The following RAP1GAP2 variants were observed in gnomAD, a reference collection of about 807,000 sequenced individuals.
RAP1GAP2 encodes rap1 GTPase-activating protein 2.
A neutral mutation model predicts 95.0 loss-of-function variants in RAP1GAP2; 27 were observed. The observed-to-expected ratio is 0.28, with a 90% CI of 0.21 to 0.39. The LOEUF (loss-of-function observed/expected upper bound fraction) is 0.39. Among genes scored for constraint, RAP1GAP2 ranks in the 10% least tolerant of loss-of-function variants. The pLI is 1.00. For missense variants in RAP1GAP2, 771 were observed against 970.0 expected (o/e 0.79, Z 2.72); for synonymous variants, 373 against 380.9 (o/e 0.98, Z 0.24).
In RAP1GAP2 at chr17:2,833,645, T is replaced by A. The variant is rs375949802; in HGVS notation, c.80+33095T>A. ...GCGGAGCTTGCAGTGAGCCGAGATC[T>A]CGCCACTGCACTCCAACCTGGGAGA... On this transcript the variant is annotated intron_variant, in intron 2 of 24. Coordinates refer to ENST00000254695, the MANE Select transcript of RAP1GAP2 (RefSeq NM_015085.5). Among the ~76,000 whole-genome samples the A allele has an allele frequency of 3.0e-5, 4 of 132,530 alleles. No individual in the cohort carries two copies. In the East Asian group the frequency reaches 6.9e-4, roughly 23 times the overall value. 86.9% of individuals were successfully genotyped at this position (132,530 alleles called of 152,430 possible).
intron 8 of RAP1GAP2, among the ~76,000 whole-genome samples, chr17:2,975,408 G>A (rs983133119): frequency 6.6e-6 from 1 of 152,096 alleles, no homozygotes; most frequent in Admixed American, 6.6e-5. Flanking sequence ...TTAAAATAAA[G>A]GAATGGAAAA....
chr17:2,998,460 C>T, intron 14 of RAP1GAP2, 84 bp downstream of exon 14: 1 of 1,464,298 alleles, frequency 6.8e-7, no homozygotes, highest in Non-Finnish European at 9.4e-7. Flanking sequence ...GGACACTAGT[C>T]CTCAGCAGTC....
At chr17:3,018,732 C>T (rs4790412) in intron 18 of RAP1GAP2, among the ~76,000 whole-genome samples, 139,662 of 152,148 alleles carry the variant, frequency 0.92, 64,315 homozygotes, top group Non-Finnish European at 0.95. Flanking sequence ...CCCGCTGGGG[C>T]TCAGTAACTT....
At chr17:2,800,634 GACA>G in intron 2 of RAP1GAP2, 84 bp downstream of exon 2, 1 of 1,404,148 alleles carries the variant, frequency 7.1e-7, no homozygotes, top group Non-Finnish European at 9.9e-7. Flanking sequence ...GGTTGTGGGA[GACA>G]CAAGAGGGGC....
At chr17:2,840,388 C>T (rs192228030) in intron 2 of RAP1GAP2, among the ~76,000 whole-genome samples, 1 of 152,192 alleles carries the variant, frequency 6.6e-6, no homozygotes, top group African/African-American at 2.4e-5. Flanking sequence ...GTCTCAAACT[C>T]CTGACCTCAG....
At chr17:2,947,587 A>G (rs1409774352) in intron 3 of RAP1GAP2, among the ~76,000 whole-genome samples, 1 of 152,182 alleles carries the variant, frequency 6.6e-6, no homozygotes, top group Non-Finnish European at 1.5e-5. Context: ...TATTAATAGC[A>G]CAGGGATATG....
In RAP1GAP2 at chr17:3,037,524, T is replaced by C. The variant is rs2047506475; in HGVS notation, c.*4163T>C. ...ACTGTGGCTTGGAAGTGATGCTCCATGTGACGACGACTTTGCTTTCTTTCC... is the reference window on the plus strand; with the variant it reads ...ACTGTGGCTTGGAAGTGATGCTCCACGTGACGACGACTTTGCTTTCTTTCC... On this transcript the variant is annotated 3_prime_UTR_variant, in exon 25 of 25. Coordinates refer to ENST00000254695, the MANE Select transcript of RAP1GAP2 (RefSeq NM_015085.5). The C allele has an allele frequency of 6.6e-6, 1 of 152,396 alleles. No homozygotes were observed. Among genetic ancestry groups the C allele is most frequent in the Non-Finnish European group, 1.5e-5 (1 of 67,996 alleles). The allele number at this position is 152,396 out of a possible 1,614,324, so 9.4% of individuals were successfully genotyped here.
At chr17:2,761,979 C>CTTTT (rs901487276) in intron 1 of RAP1GAP2, among the ~76,000 whole-genome samples, 5 of 77,746 alleles carry the variant, frequency 6.4e-5, no homozygotes, top group Non-Finnish European at 1.2e-4. Flanking sequence ...GTTTATATAT[C>CTTTT]TTTTTTTTTT....
intron 10 of RAP1GAP2, among the ~76,000 whole-genome samples, chr17:2,983,186 C>T (rs534344596): frequency 7.9e-5 from 12 of 152,242 alleles, no homozygotes; most frequent in African/African-American, 2.9e-4. Flanking sequence ...CTGGTTTGTT[C>T]TTCCTCTCGC....
chr17:2,969,191 A>C (rs62091997), intron 8 of RAP1GAP2, among the ~76,000 whole-genome samples: 2 of 80,294 alleles, frequency 2.5e-5, no homozygotes, highest in African/African-American at 3.4e-5. Context: ...ATATATATAT[A>C]TATCTGTTTC....
At chr17:2,911,167 G>A (rs1291863464) in intron 3 of RAP1GAP2, among the ~76,000 whole-genome samples, 4 of 151,540 alleles carry the variant, frequency 2.6e-5, no homozygotes, top group East Asian at 3.9e-4. Context: ...TCTCTGCCGC[G>A]CTCCCCCCGG....
At position 2,998,232 on chromosome 17, in the gene RAP1GAP2, G is replaced by A. The variant is rs1285288695; in HGVS notation, c.1056G>A (p.Lys352=). The A allele has an allele frequency of 6.2e-7, 1 of 1,613,914 alleles. No homozygotes were observed. Among genetic ancestry groups the A allele is most frequent in the African/African-American group, 1.3e-5 (1 of 75,060 alleles). ...CACTTTTTATTTAGCTCCAGAGAAAGAGACACATTGGAAATGACATCGTGG... is the reference window on the plus strand; with the variant it reads ...CACTTTTTATTTAGCTCCAGAGAAAAAGACACATTGGAAATGACATCGTGG... ...TDGDAQQLQR[K]RHIGNDIVAI... Residue 352 remains lysine, a synonymous_variant, in exon 14 of 25, where the codon AAG becomes AAA. Transcript: ENST00000254695.
chr17:2,824,245 C>T (rs1224917345), intron 2 of RAP1GAP2, among the ~76,000 whole-genome samples: 2 of 151,124 alleles, frequency 1.3e-5, no homozygotes, highest in African/African-American at 2.4e-5. Flanking sequence ...ATTAGGAGTT[C>T]GAGACCAGCC....
At chr17:3,007,924 C>T (rs2046386560) in intron 16 of RAP1GAP2, 87 bp from the exon 17 acceptor site, 1 of 1,490,752 alleles carries the variant, frequency 6.7e-7, no homozygotes, top group African/African-American at 1.4e-5. Flanking sequence ...ATGTCAGCCT[C>T]CAGGCCAGGT....
intron 1 of RAP1GAP2, among the ~76,000 whole-genome samples, chr17:2,781,136 T>C (rs2068636175): frequency 6.6e-6 from 1 of 152,232 alleles, no homozygotes; most frequent in African/African-American, 2.4e-5. Flanking sequence ...CTTTTGCAGC[T>C]TGCTCTCAGG....
At chr17:2,793,739 T>C (rs1021519849), upstream of RAP1GAP2, among the ~76,000 whole-genome samples, 6 of 152,224 alleles carry the variant, frequency 3.9e-5, no homozygotes, top group Non-Finnish European at 8.8e-5. Context: ...TACGGCTGGC[T>C]CTCCTATACC....
At chr17:2,838,178 C>G (rs992807136) in intron 2 of RAP1GAP2, among the ~76,000 whole-genome samples, 1 of 151,894 alleles carries the variant, frequency 6.6e-6, no homozygotes, top group Non-Finnish European at 1.5e-5. Context: ...ACCACTGCAT[C>G]CAGCTAATTT....
At chr17:2,949,753 C>G (rs116298148) in intron 3 of RAP1GAP2, among the ~76,000 whole-genome samples, 4 of 152,128 alleles carry the variant, frequency 2.6e-5, no homozygotes, top group Admixed American at 1.3e-4. Flanking sequence ...AGGGTGTGTC[C>G]GAAAGGCTGA....
chr17:2,907,255 G>A (rs1161804250), intron 3 of RAP1GAP2, among the ~76,000 whole-genome samples: 1 of 152,158 alleles, frequency 6.6e-6, no homozygotes, highest in East Asian at 1.9e-4. Flanking sequence ...TAAGAACTGA[G>A]AATGAGGGAG....
Sources: allele counts gnomAD v4.1 joint callset (sites outside exome capture counted in the v4.1 genomes callset), GRCh38; gene constraint gnomAD v4.1.1; transcripts MANE v1.5; gene names NCBI Gene and HGNC (gene_info 2026-07-23, HGNC 2026-07-21).